The following FSD2 variants were observed in gnomAD, a reference collection of about 807,000 sequenced individuals.
FSD2 encodes the protein fibronectin type III and SPRY domain containing 2, also known as fibronectin type III and SPRY domain-containing protein 2.
A neutral mutation model predicts 80.4 loss-of-function variants in FSD2; 71 were observed. The ratio of observed to expected loss-of-function variants is 0.88; its 90% confidence interval spans 0.73 to 1.08. The LOEUF (loss-of-function observed/expected upper bound fraction) is 1.08. Ranked by LOEUF, FSD2 falls within the 50% of genes least tolerant of loss-of-function variation. The pLI, the probability that FSD2 is intolerant of heterozygous loss-of-function variation, is 0.00. For synonymous variants in FSD2, 361 were observed against 329.5 expected, an observed-to-expected ratio of 1.10 and a Z score of -1.03; for missense variants, 923 against 913.8, an observed-to-expected ratio of 1.01 and a Z score of -0.13.
chr15:82,771,487 G>A (rs1379001469), intron 7 of FSD2, among the ~76,000 whole-genome samples: 2 of 152,216 alleles, frequency 1.3e-5, no homozygotes, highest in Non-Finnish European at 2.9e-5. Flanking sequence ...TACCCCAGCT[G>A]TAACCCCACA....
Position 82,759,057 on chromosome 15 carries a change from C to T in FSD2, c.*291G>A. On this transcript the variant is annotated 3_prime_UTR_variant, in exon 13 of 13. Coordinates refer to ENST00000334574, the MANE Select transcript of FSD2 (RefSeq NM_001007122.4). ...GGTCTTGGAAACTCAAGATATTTTG[C>T]ATATACACGAATATAGTTTGACAGC... 1 of 319,740 alleles carries T rather than the reference C, an allele frequency of 3.1e-6. No individual in the cohort carries two copies. The allele number at this position is 319,740 out of a possible 1,614,324, so 19.8% of individuals were successfully genotyped here.
At position 82,765,177 on chromosome 15, in the gene FSD2, A is replaced by T. The variant is rs2049385520; in HGVS notation, c.1809T>A (p.Thr603=). ...TPARELSPSD[T]HFTRCVAVMG... ...GGTTGACAAAGTACCTGGTGAAGTGAGTGTCGCTGGGTGACAGCTCCCTGG... is the reference window on the plus strand; with the variant it reads ...GGTTGACAAAGTACCTGGTGAAGTGTGTGTCGCTGGGTGACAGCTCCCTGG... Residue 603 remains threonine, a synonymous_variant, in exon 11 of 13, where the codon ACT becomes ACA. Transcript: ENST00000334574. The T allele has an allele frequency of 6.2e-7, 1 of 1,601,190 alleles. No homozygotes were observed. The highest frequency in any genetic ancestry group is 8.5e-7 in the Non-Finnish European group (1 of 1,173,370).
At position 82,759,376 on chromosome 15, in the gene FSD2, G is replaced by A. The variant is rs202018585; in HGVS notation, c.2222C>T (p.Ser741Leu). ...ATAGAAAGTGACATGTTTTGGCATT[G>A]AAATGCCATTATGTACCTTTAGACA... ...PGCLKVHNGISMPKHVTFY is the reference protein window; with the variant it reads ...PGCLKVHNGILMPKHVTFY Residue 741 changes from serine (S) to leucine (L), a missense_variant, in exon 13 of 13, where the codon TCA becomes TTA. Coordinates refer to ENST00000334574, the MANE Select transcript of FSD2 (RefSeq NM_001007122.4). The A allele has an allele frequency of 4.8e-4, 778 of 1,613,342 alleles. 1 individual carries two copies. Among genetic ancestry groups the A allele is most frequent in the South Asian group, 6.5e-4 (59 of 90,946 alleles).
In FSD2 at chr15:82,759,415, A is replaced by G. The variant is rs1436969849; in HGVS notation, c.2183T>C (p.Leu728Ser). 7 of 1,613,656 alleles carry G rather than the reference A, an allele frequency of 4.3e-6. No individual in the cohort carries two copies. Among genetic ancestry groups the G allele is most frequent in the Non-Finnish European group, 5.9e-6 (7 of 1,179,780 alleles). ...LHEFVHPCFSLEKPGCLKVHN... is the reference protein window; with the variant it reads ...LHEFVHPCFSSEKPGCLKVHN... ...TACCTTTAGACACCCAGGCTTTTCC[A>G]AAGAAAAACAGGGATGCACAAATTC... The change falls in exon 13 of 13, where the codon TTG becomes TCG. Residue 728 changes from leucine (L) to serine (S), a missense_variant. By Grantham distance (145) the Leu-to-Ser change is moderately radical (BLOSUM62 -2). Coordinates refer to ENST00000334574, the MANE Select transcript of FSD2 (RefSeq NM_001007122.4).
At chr15:82,790,903 C>A (rs527895976) in intron 1 of FSD2, among the ~76,000 whole-genome samples, 1 of 150,576 alleles carries the variant, frequency 6.6e-6, no homozygotes, top group Non-Finnish European at 1.5e-5. Context: ...TTTATTAATT[C>A]TTTTTTGTAA....
intron 6 of FSD2, among the ~76,000 whole-genome samples, chr15:82,774,731 T>C (rs2049670806): frequency 6.6e-6 from 1 of 152,044 alleles, no homozygotes; most frequent in Non-Finnish European, 1.5e-5. Flanking sequence ...TTTTTTTTTT[T>C]TCTTTTTTTG....
chr15:82,770,012 C>T (rs987505037), intron 7 of FSD2, 128 bp from the exon 8 acceptor site: 2 of 980,320 alleles, frequency 2.0e-6, no homozygotes, highest in African/African-American at 1.6e-5. Flanking sequence ...GTATGCACTC[C>T]CTCTGCAGCA....
chr15:82,771,982 A>G, intron 7 of FSD2, 91 bp downstream of exon 7: 1 of 1,316,624 alleles, frequency 7.6e-7, no homozygotes, highest in Non-Finnish European at 1.0e-6. Context: ...TCCTGTCTCT[A>G]CCATCCCAAC....
intron 6 of FSD2, among the ~76,000 whole-genome samples, chr15:82,776,371 A>G (rs2049713046): frequency 6.6e-6 from 1 of 152,230 alleles, no homozygotes. Flanking sequence ...GTGGCGTAAC[A>G]TGTGATCTAG....
At chr15:82,762,890 A>G (rs981528296) in intron 11 of FSD2, among the ~76,000 whole-genome samples, 5 of 152,366 alleles carry the variant, frequency 3.3e-5, no homozygotes, top group African/African-American at 1.2e-4. Flanking sequence ...GTGAAAATCA[A>G]ATTATACTGG....
rs2049192046 is a variant in FSD2 at position 82,757,090 on chromosome 15, C to G, written c.*2258G>C. The G allele has an allele frequency of 6.6e-6, 1 of 152,124 alleles. No individual in the cohort carries two copies. Among genetic ancestry groups the G allele is most frequent in the South Asian group, 2.1e-4 (1 of 4,824 alleles). The allele number at this position is 152,124 out of a possible 1,614,324, so 9.4% of individuals were successfully genotyped here. On this transcript the variant is annotated 3_prime_UTR_variant, in exon 13 of 13. Transcript: ENST00000334574. Reference sequence around the variant, plus strand: ...TGAGAAAGATGTTTCAACAAAGGCTCTTTATGCTGAATAATTGTGATGCTT... The same window carrying G: ...TGAGAAAGATGTTTCAACAAAGGCTGTTTATGCTGAATAATTGTGATGCTT...
chr15:82,776,050 T>A (rs1192161481), intron 6 of FSD2, among the ~76,000 whole-genome samples: 1 of 152,148 alleles, frequency 6.6e-6, no homozygotes, highest in Non-Finnish European at 1.5e-5. Context: ...TTTGGGAGGC[T>A]GAGGTAGGAG....
chr15:82,783,088 G>GT (rs374426667), intron 3 of FSD2, 63 bp from the exon 4 acceptor site: 51 of 1,234,052 alleles, frequency 4.1e-5, no homozygotes, highest in Non-Finnish European at 5.5e-5. Context: ...AGAGTCTTTT[G>GT]TTTTTTGTTT....
intron 1 of FSD2, among the ~76,000 whole-genome samples, chr15:82,789,424 A>T (rs941843194): frequency 5.9e-5 from 9 of 151,536 alleles, no homozygotes; most frequent in African/African-American, 2.2e-4. Context: ...TTGAACACTT[A>T]TCGTATGCCT....
chr15:82,799,132 T>A (rs985964752), intron 1 of FSD2, among the ~76,000 whole-genome samples: 5 of 152,172 alleles, frequency 3.3e-5, no homozygotes, highest in Non-Finnish European at 5.9e-5. Context: ...CGCCTTGGTC[T>A]CCCAAAATGT....
At chr15:82,780,216 A>C in intron 5 of FSD2, 29 bp downstream of exon 5, 1 of 1,470,016 alleles carries the variant, frequency 6.8e-7, no homozygotes, top group South Asian at 1.3e-5. Context: ...AAGTAAAAAA[A>C]GAAATACATA....
At chr15:82,779,842 G>T (rs1466853255) in intron 5 of FSD2, among the ~76,000 whole-genome samples, 5 of 151,994 alleles carry the variant, frequency 3.3e-5, no homozygotes, top group African/African-American at 1.2e-4. Context: ...TTTGCTCAAG[G>T]TCATGAGGGT....
intron 3 of FSD2, 23 bp from the exon 4 acceptor site, chr15:82,783,048 C>T (rs531106697): frequency 2.0e-6 from 3 of 1,534,828 alleles, no homozygotes; most frequent in Non-Finnish European, 2.7e-6. Context: ...TGATCTCAGT[C>T]ATCATTTCAG....
chr15:82,769,396 G>T (rs2049504012), intron 8 of FSD2, among the ~76,000 whole-genome samples: 1 of 148,398 alleles, frequency 6.7e-6, no homozygotes, highest in Admixed American at 6.8e-5. Flanking sequence ...ATGGCGAAAT[G>T]CCATCTCTTC....
Sources: allele counts gnomAD v4.1 joint callset (sites outside exome capture counted in the v4.1 genomes callset), GRCh38; gene constraint gnomAD v4.1.1; transcripts MANE v1.5; gene names NCBI Gene and HGNC (gene_info 2026-07-23, HGNC 2026-07-21).